GSG1L: variants seen among roughly 807,000 people sequenced by gnomAD.
The protein encoded by GSG1L is GSG1 like.
GSG1L carries 24 observed loss-of-function variants against 42.1 expected under a neutral mutation model. The ratio of observed to expected loss-of-function variants is 0.57; its 90% CI spans 0.41 to 0.80. The LOEUF is 0.80. Among genes scored for constraint, GSG1L ranks in the 30% least tolerant of loss-of-function variants. The pLI is 0.00. For synonymous variants in GSG1L, 215 were observed against 203.5 expected (o/e 1.06, Z -0.48); for missense variants, 445 against 472.2 (o/e 0.94, Z 0.53).
intron 5 of GSG1L, among the ~76,000 whole-genome samples, chr16:27,813,975 C>A (rs865821067): frequency 2.0e-5 from 3 of 152,174 alleles, no homozygotes; most frequent in Admixed American, 1.3e-4. Context: ...CAGTAACGAC[C>A]GCTGCCACTG....
chr16:27,794,850 C>T (rs2082800605), intron 6 of GSG1L, among the ~76,000 whole-genome samples: 1 of 152,100 alleles, frequency 6.6e-6, no homozygotes, highest in South Asian at 2.1e-4. Context: ...GTGGGAGCGC[C>T]CTTCCCTGCT....
chr16:27,972,870 CA>C (rs921091831), intron 1 of GSG1L, among the ~76,000 whole-genome samples: 4 of 152,222 alleles, frequency 2.6e-5, no homozygotes, highest in African/African-American at 7.2e-5. Flanking sequence ...ATCCTTCCAA[CA>C]TTAGAAAAAC....
intron 2 of GSG1L, among the ~76,000 whole-genome samples, chr16:27,941,004 C>T (rs2084786934): frequency 6.6e-6 from 1 of 151,972 alleles, no homozygotes; most frequent in Non-Finnish European, 1.5e-5. Context: ...AAAATTAACT[C>T]AATATGGATC....
At chr16:28,057,014 G>A (rs1936141691) in intron 1 of GSG1L, among the ~76,000 whole-genome samples, 1 of 152,086 alleles carries the variant, frequency 6.6e-6, no homozygotes, top group South Asian at 2.1e-4. Context: ...GGAACAGCAA[G>A]TACAAAAGCC....
chr16:28,062,478 C>T (rs2086353062), intron 1 of GSG1L, among the ~76,000 whole-genome samples: 1 of 152,216 alleles, frequency 6.6e-6, no homozygotes, highest in Non-Finnish European at 1.5e-5. Context: ...TGGCGTCTGG[C>T]AATAGGGGTG....
chr16:27,893,072 G>A (rs892875575), intron 2 of GSG1L, among the ~76,000 whole-genome samples: 1 of 152,140 alleles, frequency 6.6e-6, no homozygotes, highest in African/African-American at 2.4e-5. Flanking sequence ...TGGTGGGGAT[G>A]ATTGTCCCAA....
intron 3 of GSG1L, among the ~76,000 whole-genome samples, chr16:27,883,118 CAAAA>C (rs1282858322): frequency 1.4e-5 from 1 of 70,174 alleles, no homozygotes. Flanking sequence ...GACCCAATCT[CAAAA>C]AAAAAAAAAA....
chr16:28,058,486 A>G (rs7206085), intron 1 of GSG1L, among the ~76,000 whole-genome samples: 10,851 of 151,982 alleles, frequency 0.071, 1,288 homozygotes, highest in African/African-American at 0.24. Context: ...AAAATTAGCC[A>G]GGTATGGTGG....
intron 3 of GSG1L, among the ~76,000 whole-genome samples, chr16:27,877,016 G>A (rs942974036): frequency 8.5e-5 from 13 of 152,156 alleles, no homozygotes; most frequent in Non-Finnish European, 1.5e-5. Context: ...TTTTCCGAAC[G>A]ACTTTCTCTT....
chr16:28,063,223 C>A lies in GSG1L; in HGVS notation c.202G>T (p.Ala68Ser). 1.6e-6 allele frequency: 2 copies of A among 1,241,058 alleles called. No homozygotes were observed. 76.9% of individuals were successfully genotyped at this position (1,241,058 alleles called of 1,614,324 possible). ...NATANGTAAP[A>S]AAAAAATASG... ...GCGGTGGCGGCGGCGGCGGCGGCGGCGGGGGCGGCGGTGCCGTTGGCCGTG... is the reference window on the plus strand; with the variant it reads ...GCGGTGGCGGCGGCGGCGGCGGCGGAGGGGGCGGCGGTGCCGTTGGCCGTG... Residue 68 changes from alanine to serine, a missense_variant, in exon 1 of 7, where the codon GCC becomes TCC. By Grantham distance (99) the Ala-to-Ser change is moderately conservative. Coordinates refer to ENST00000447459, the MANE Select transcript of GSG1L (RefSeq NM_001109763.2). The surrounding 1 kb of genome is among the most constrained non-coding windows in gnomAD (Gnocchi z 5.8).
At chr16:27,836,704 C>T (rs751376368) in intron 4 of GSG1L, among the ~76,000 whole-genome samples, 50 of 152,048 alleles carry the variant, frequency 3.3e-4, no homozygotes, top group Non-Finnish European at 2.8e-4. Flanking sequence ...GCCATTTGGT[C>T]CTTCTTTCTA....
At chr16:27,847,259 A>G (rs568579213) in intron 3 of GSG1L, among the ~76,000 whole-genome samples, 23 of 152,308 alleles carry the variant, frequency 1.5e-4, no homozygotes, top group African/African-American at 5.5e-4. Flanking sequence ...GAAACTATAA[A>G]TGGAATTCCC....
intron 5 of GSG1L, among the ~76,000 whole-genome samples, chr16:27,812,648 C>G (rs954849756): frequency 2.6e-5 from 4 of 151,868 alleles, no homozygotes; most frequent in African/African-American, 9.7e-5. Flanking sequence ...GAATGTGCAG[C>G]CTGGGTTGAA....
At chr16:28,053,620 C>T (rs754268327) in intron 1 of GSG1L, among the ~76,000 whole-genome samples, 1 of 152,212 alleles carries the variant, frequency 6.6e-6, no homozygotes, top group South Asian at 2.1e-4. Flanking sequence ...GGAAGGGCCA[C>T]GTGTGCTGCT....
At chr16:27,997,430 C>T (rs777843023) in intron 1 of GSG1L, among the ~76,000 whole-genome samples, 12 of 146,120 alleles carry the variant, frequency 8.2e-5, no homozygotes, top group Non-Finnish European at 1.3e-4. Context: ...AGCAATTCTC[C>T]TGCCTCAGCC....
chr16:27,860,373 C>G (rs941128243), intron 3 of GSG1L, among the ~76,000 whole-genome samples: 5 of 152,212 alleles, frequency 3.3e-5, no homozygotes, highest in African/African-American at 7.2e-5. Flanking sequence ...CTGATTGACT[C>G]TCATAGCCTC....
At chr16:27,939,562 A>G (rs1009527447) in intron 2 of GSG1L, among the ~76,000 whole-genome samples, 2 of 152,186 alleles carry the variant, frequency 1.3e-5, no homozygotes, top group African/African-American at 4.8e-5. Context: ...GTCAGCAGAG[A>G]GGCAGCTCAG....
At position 28,059,809 on chromosome 16, in the gene GSG1L, T is replaced by A. The variant is rs1596741265; in HGVS notation, c.349+3267A>T. ...CTTTCTGTTTGTGGAAGGACGCGGG[T>A]GCTCTTCTTGGAGCAAGGAGAAAAG... On this transcript the variant is annotated intron_variant, in intron 1 of 6. Coordinates refer to ENST00000447459, the MANE Select transcript of GSG1L (RefSeq NM_001109763.2). This position sits in a 1 kb window ranked among gnomAD's most constrained non-coding sequence, Gnocchi z 4.4. Among the ~76,000 whole-genome samples, 1 of 152,192 alleles carries A rather than the reference T, an allele frequency of 6.6e-6. No individual in the cohort carries two copies. The highest frequency in any genetic ancestry group is 2.1e-4 in the South Asian group (1 of 4,832).
intron 2 of GSG1L, among the ~76,000 whole-genome samples, chr16:27,941,129 A>T (rs2084788466): frequency 6.6e-6 from 1 of 152,196 alleles, no homozygotes; most frequent in Non-Finnish European, 1.5e-5. Context: ...AAGCACAGGC[A>T]TCAAAGGAAA....
Sources: gnomAD v4.1 joint callset for allele counts (sites outside exome capture counted in the v4.1 genomes callset) on GRCh38, gnomAD v4.1.1 for gene constraint, Gnocchi (gnomAD v3.1) non-coding constraint, MANE v1.5 for transcripts, NCBI Gene and HGNC (gene_info 2026-07-23, HGNC 2026-07-21) for gene names.